EML4: variants seen among roughly 807,000 people sequenced by gnomAD.
The protein encoded by EML4 is echinoderm microtubule-associated protein-like 4.
Under a neutral mutation model 129.0 loss-of-function variants are expected in EML4, and 72 were observed. The observed-to-expected ratio is 0.56, with a 90% CI of 0.46 to 0.68. The LOEUF (loss-of-function observed/expected upper bound fraction) is 0.68, where lower values mean the gene tolerates loss of function less well. EML4 is among the 30% of genes least tolerant of loss of function. The probability of loss-of-function intolerance (pLI) is 0.00; values close to 1 mark genes in which losing one functional copy is unlikely to be tolerated. For missense variants in EML4, 1,363 were observed against 1,190.6 expected (o/e 1.14, Z -2.13); for synonymous variants, 532 against 405.0 (o/e 1.31, Z -3.77).
intron 19 of EML4, among the ~76,000 whole-genome samples, chr2:42,321,063 C>G (rs1466156942): frequency 3.3e-5 from 5 of 152,000 alleles, no homozygotes. Flanking sequence ...TAATAGAATT[C>G]AGTATCACTG....
chr2:42,258,034 G>A (rs148006050), intron 3 of EML4, among the ~76,000 whole-genome samples: 2 of 152,294 alleles, frequency 1.3e-5, no homozygotes, highest in East Asian at 3.9e-4. Flanking sequence ...TAGTGGTTCA[G>A]ATTCAGCCCA....
intron 19 of EML4, among the ~76,000 whole-genome samples, chr2:42,320,782 G>T (rs1669476900): frequency 6.6e-6 from 1 of 152,012 alleles, no homozygotes; most frequent in South Asian, 2.1e-4. Flanking sequence ...CTTTCTGCTT[G>T]ACTCAAATTC....
At chr2:42,254,671 A>G (rs1301181072) in intron 2 of EML4, among the ~76,000 whole-genome samples, 1 of 151,074 alleles carries the variant, frequency 6.6e-6, no homozygotes, top group Admixed American at 6.6e-5. Context: ...ATATGGTGAC[A>G]TTGGAATCCT....
rs577167899 is a variant in EML4, at chr2:42,280,580, T to A, written c.668-270T>A. 2.6e-5 allele frequency among the ~76,000 whole-genome samples: 4 copies of A among 152,370 alleles called. No homozygotes were observed. In the South Asian group the frequency reaches 8.3e-4, roughly 32 times the overall value. On this transcript the variant is annotated intron_variant, in intron 6 of 22. Transcript: ENST00000318522. Reference sequence around the variant, plus strand: ...CATATTATGAGTAATCTAGAGATGATTCAAAATATACAGGTTATATGTGAA... The same window carrying A: ...CATATTATGAGTAATCTAGAGATGAATCAAAATATACAGGTTATATGTGAA...
intron 10 of EML4, among the ~76,000 whole-genome samples, chr2:42,287,364 C>T (rs1297496511): frequency 6.6e-6 from 1 of 152,164 alleles, no homozygotes; most frequent in Non-Finnish European, 1.5e-5. Context: ...ATCTCTATAG[C>T]AGGAACTGTT....
intron 11 of EML4, among the ~76,000 whole-genome samples, chr2:42,290,748 A>G (rs748172941): frequency 3.3e-5 from 5 of 152,130 alleles, no homozygotes; most frequent in Non-Finnish European, 7.4e-5. Context: ...ATTTTTTTTA[A>G]TTTTCAAAAT....
chr2:42,253,675 A>G (rs1019021012), intron 2 of EML4, among the ~76,000 whole-genome samples: 11 of 152,206 alleles, frequency 7.2e-5, no homozygotes, highest in Non-Finnish European at 1.2e-4. Context: ...ACTGCTCAAG[A>G]GTTATTTCAA....
At chr2:42,241,040 C>G (rs187517857) in intron 1 of EML4, among the ~76,000 whole-genome samples, 120 of 152,188 alleles carry the variant, frequency 7.9e-4, no homozygotes, top group African/African-American at 2.7e-3. Context: ...CCCAGCTACT[C>G]CGAGCCTCAG....
chr2:42,307,344 C>G (rs564794844), intron 17 of EML4, among the ~76,000 whole-genome samples: 4 of 152,280 alleles, frequency 2.6e-5, no homozygotes, highest in Admixed American at 1.3e-4. Context: ...AAGTAGAAAA[C>G]ACTTCATGAG....
rs35669886 is a variant in EML4 at position 42,303,191 on chromosome 2, C to T, written c.1729C>T (p.Arg577Ter). Residue 577 changes from arginine to a stop codon, truncating the protein, a stop_gained, in exon 15 of 23, where the codon CGA becomes TGA. Transcript: ENST00000318522. LOFTEE classifies it high-confidence loss of function. ...LVGTSRNFIL[R>*]GTFNDGFQIE... ...AGGCACATCACGAAACTTTATTTTACGAGGAACATTTAATGATGGCTTCCA... is the reference window on the plus strand; with the variant it reads ...AGGCACATCACGAAACTTTATTTTATGAGGAACATTTAATGATGGCTTCCA... 8.7e-6 allele frequency: 14 copies of T among 1,613,888 alleles called. No individual in the cohort carries two copies. Among genetic ancestry groups the T allele is most frequent in the Non-Finnish European group, 1.2e-5 (14 of 1,179,996 alleles).
intron 6 of EML4, among the ~76,000 whole-genome samples, chr2:42,274,762 C>T (rs574388646): frequency 6.6e-6 from 1 of 152,176 alleles, no homozygotes; most frequent in South Asian, 2.1e-4. Context: ...TTTGGGACAC[C>T]TCGGAGTATC....
chr2:42,244,640 T>G (rs749007502), intron 1 of EML4, among the ~76,000 whole-genome samples: 14 of 152,272 alleles, frequency 9.2e-5, no homozygotes, highest in Admixed American at 5.2e-4. Flanking sequence ...AAAGGTCTTT[T>G]GTTAATTACA....
At chr2:42,300,859 G>A (rs529512452) in intron 13 of EML4, among the ~76,000 whole-genome samples, 153 of 152,212 alleles carry the variant, frequency 1.0e-3, no homozygotes, top group Non-Finnish European at 1.7e-3. Context: ...TACCTCTTGT[G>A]TCTTGAGCTC....
intron 6 of EML4, among the ~76,000 whole-genome samples, chr2:42,271,712 T>A (rs1024618162): frequency 6.6e-6 from 1 of 150,380 alleles, no homozygotes; most frequent in Non-Finnish European, 1.5e-5. Flanking sequence ...ACACATACTT[T>A]TTAAAAAAAT....
chr2:42,183,720 G>C (rs1363600446), intron 1 of EML4, among the ~76,000 whole-genome samples: 1 of 151,616 alleles, frequency 6.6e-6, no homozygotes, highest in East Asian at 1.9e-4. Flanking sequence ...CTACCTTTAT[G>C]GTTGGACATA....
At chr2:42,221,643 G>C (rs567360655) in intron 1 of EML4, among the ~76,000 whole-genome samples, 56 of 151,836 alleles carry the variant, frequency 3.7e-4, no homozygotes, top group Admixed American at 3.3e-3. Context: ...CACTCTTGTT[G>C]CCCAAGCTGG....
At chr2:42,306,523 C>A (rs11678471) in intron 17 of EML4, among the ~76,000 whole-genome samples, 4 of 116,322 alleles carry the variant, frequency 3.4e-5, no homozygotes, top group Non-Finnish European at 6.6e-5. Context: ...GATAGAGTCT[C>A]GCTCTGTCAC....
At chr2:42,220,418 A>G (rs57267530) in intron 1 of EML4, among the ~76,000 whole-genome samples, 6,681 of 152,012 alleles carry the variant, frequency 0.044, 464 homozygotes, top group African/African-American at 0.15. Flanking sequence ...CCTGTGATCC[A>G]TTACCTTTGA....
chr2:42,197,957 C>T (rs1233417515), intron 1 of EML4, among the ~76,000 whole-genome samples: 3 of 152,190 alleles, frequency 2.0e-5, no homozygotes, highest in Admixed American at 6.5e-5. Flanking sequence ...ACAGTGCCTA[C>T]GTGTACATCC....
Sources: gnomAD v4.1 joint callset for allele counts (sites outside exome capture counted in the v4.1 genomes callset) on GRCh38, gnomAD v4.1.1 for gene constraint, MANE v1.5 for transcripts, NCBI Gene and HGNC (gene_info 2026-07-23, HGNC 2026-07-21) for gene names.